ITPR1: variants seen among roughly 807,000 people sequenced by gnomAD.
ITPR1 encodes the protein inositol 1,4,5-trisphosphate receptor type 1.
In ITPR1, 96 loss-of-function variants were observed where a neutral mutation model predicts 318.4. That is an observed-to-expected ratio of 0.30 (90% CI 0.26 to 0.36). ITPR1 has a LOEUF of 0.36. Among genes scored for constraint, ITPR1 ranks in the 10% least tolerant of loss-of-function variants. The probability of loss-of-function intolerance (pLI) is 1.00; values close to 1 mark genes in which losing one functional copy is unlikely to be tolerated. For synonymous variants in ITPR1, 1,312 were observed against 1,289.9 expected (o/e 1.02, Z -0.37); for missense variants, 2,440 against 3,460.2 (o/e 0.71, Z 7.40).
intron 44 of ITPR1, among the ~76,000 whole-genome samples, chr3:4,739,806 G>A (rs2043566222): frequency 6.6e-6 from 1 of 152,100 alleles, no homozygotes. Context: ...ACCATCAGGG[G>A]GTTGACTGGT....
chr3:4,679,148 T>C (rs1307492964), intron 24 of ITPR1, among the ~76,000 whole-genome samples: 4 of 152,120 alleles, frequency 2.6e-5, no homozygotes, highest in South Asian at 4.1e-4. Flanking sequence ...ATTAGATGTG[T>C]GTCCAGGAAG....
At chr3:4,684,916 G>A (rs984358781) in intron 29 of ITPR1, among the ~76,000 whole-genome samples, 153 bp from the exon 30 acceptor site, 6 of 152,212 alleles carry the variant, frequency 3.9e-5, no homozygotes, top group Admixed American at 6.5e-5. Flanking sequence ...TGGCTTGATG[G>A]AGTCAACAGA....
intron 49 of ITPR1, among the ~76,000 whole-genome samples, chr3:4,780,981 G>A (rs1231416116): frequency 6.6e-6 from 1 of 152,242 alleles, no homozygotes; most frequent in African/African-American, 2.4e-5. Context: ...GAGGAGTCAG[G>A]CTTCCTGGAA....
chr3:4,551,858 T>C (rs1302288526), intron 4 of ITPR1, among the ~76,000 whole-genome samples: 1 of 152,248 alleles, frequency 6.6e-6, no homozygotes, highest in Non-Finnish European at 1.5e-5. Context: ...TGACTACATC[T>C]CTGCTGTCTG....
At chr3:4,837,709 C>T (rs1297889919) in intron 61 of ITPR1, among the ~76,000 whole-genome samples, 1 of 151,998 alleles carries the variant, frequency 6.6e-6, no homozygotes, top group African/African-American at 2.4e-5. Flanking sequence ...TGTTTCTGCC[C>T]TTTTGACTCC....
At chr3:4,727,041 C>T in intron 41 of ITPR1, 85 bp from the exon 42 acceptor site, 1 of 1,119,342 alleles carries the variant, frequency 8.9e-7, no homozygotes. Flanking sequence ...TATGAACTCT[C>T]AATGTATTTT....
chr3:4,700,156 G>T (rs2094623858), intron 35 of ITPR1, among the ~76,000 whole-genome samples: 2 of 152,140 alleles, frequency 1.3e-5, no homozygotes, highest in Admixed American at 6.5e-5. Context: ...GTTAACTGTT[G>T]ATTTTCTCCT....
At chr3:4,814,902 A>T in intron 58 of ITPR1, 151 bp from the exon 59 acceptor site, 1 of 702,484 alleles carries the variant, frequency 1.4e-6, no homozygotes, top group Non-Finnish European at 2.5e-6. Flanking sequence ...GACAGGGGAC[A>T]TGAAAAGAGA....
At chr3:4,830,559 C>G (rs781619840) in intron 60 of ITPR1, among the ~76,000 whole-genome samples, 1 of 152,158 alleles carries the variant, frequency 6.6e-6, no homozygotes, top group African/African-American at 2.4e-5. Flanking sequence ...GCCTCCTCCT[C>G]CTGACATTTT....
chr3:4,745,155 C>T (rs948195918), intron 44 of ITPR1, among the ~76,000 whole-genome samples: 2 of 145,122 alleles, frequency 1.4e-5, no homozygotes, highest in East Asian at 4.3e-4. Flanking sequence ...TCCCTTCTTT[C>T]CTTCCCTTCC....
chr3:4,619,852 C>G (rs2092557952), intron 4 of ITPR1, among the ~76,000 whole-genome samples: 1 of 146,012 alleles, frequency 6.8e-6, no homozygotes, highest in Non-Finnish European at 1.5e-5. Context: ...CTCCTTCTCT[C>G]TTTTCTCTTT....
Position 4,782,744 on chromosome 3 carries a change from A to G in ITPR1, c.6510+3A>G. 6.5e-7 allele frequency: 1 copy of G among 1,532,568 alleles called. No homozygotes were observed. The highest frequency in any genetic ancestry group is 8.8e-7 in the Non-Finnish European group (1 of 1,135,748). 94.9% of individuals were successfully genotyped at this position (1,532,568 alleles called of 1,614,324 possible). Reference sequence around the variant, plus strand: ...ACATCTACATATTAGCCCATCAGGTATGATCTCTCCTGTGCCTCCTCTGGA... The same window carrying G: ...ACATCTACATATTAGCCCATCAGGTGTGATCTCTCCTGTGCCTCCTCTGGA... On this transcript the variant is annotated splice_donor_region_variant and intron_variant, in intron 50 of 61. Coordinates refer to ENST00000649015, the MANE Select transcript of ITPR1 (RefSeq NM_001378452.1).
At chr3:4,693,437 G>T (rs1431402540) in intron 32 of ITPR1, 53 bp from the exon 33 acceptor site, 5 of 1,577,200 alleles carry the variant, frequency 3.2e-6, no homozygotes, top group Admixed American at 3.5e-5. Context: ...TTTTTTTCAT[G>T]CTGCCCCACC....
chr3:4,526,622 C>T (rs2082999389), intron 4 of ITPR1, among the ~76,000 whole-genome samples: 1 of 152,234 alleles, frequency 6.6e-6, no homozygotes, highest in Admixed American at 6.5e-5. Context: ...TTGTGCAAAG[C>T]ACTTCCTTTG....
intron 4 of ITPR1, among the ~76,000 whole-genome samples, chr3:4,524,425 G>A (rs1286652996): frequency 6.8e-6 from 1 of 147,550 alleles, no homozygotes; most frequent in African/African-American, 2.5e-5. Flanking sequence ...TAGAAATTGT[G>A]CATAGGGCAG....
In ITPR1 at chr3:4,619,679, TG is replaced by T. The variant is rs2092539792; in HGVS notation, c.164-8083del. ...TCCCCTGCTCTCCTCTGCTCTCCCC[TG>T]CTCTCCTCTGCTCTCCCCTGCTCTC... On this transcript the variant is annotated intron_variant, in intron 4 of 61. Transcript: ENST00000649015. Among the ~76,000 whole-genome samples, 3 of 2,582 alleles carry T rather than the reference TG, an allele frequency of 1.2e-3. 1 individual carries two copies. The African/African-American group carries it at 0.012, about 10-fold the overall frequency. 1.7% of individuals were successfully genotyped at this position (2,582 alleles called of 152,430 possible).
At position 4,779,748 on chromosome 3, in the gene ITPR1, A is replaced by G. The variant is rs188438155; in HGVS notation, c.6387+103A>G. The stretch of plus-strand genomic sequence containing the variant: ...CCTGGAGCTTTCTTGAAGGTTCCCA[A>G]AGTCAGAAGTATAAAGGGAACATTG... On this transcript the variant is annotated intron_variant, in intron 49 of 61. Transcript: ENST00000649015. This position sits in a 1 kb window ranked among gnomAD's most constrained non-coding sequence, Gnocchi z 4.0. 2.3e-5 allele frequency: 17 copies of G among 737,434 alleles called. No homozygotes were observed. The East Asian group carries it at 4.2e-4, about 18-fold the overall frequency. The allele number at this position is 737,434 out of a possible 1,614,324, so 45.7% of individuals were successfully genotyped here.
rs977147239 is a variant in ITPR1, at chr3:4,838,463, C to T, written c.8190+1528C>T. 7.9e-5 allele frequency among the ~76,000 whole-genome samples: 12 copies of T among 152,056 alleles called. 1 individual carries two copies. Among genetic ancestry groups the T allele is most frequent in the African/African-American group, 2.4e-5 (1 of 41,378 alleles). On this transcript the variant is annotated intron_variant, in intron 61 of 61. Transcript: ENST00000649015. ...GAGGTGAACTTCTTTACACATCCAG[C>T]AAGCTTTAGTTATCTTCTTCTCCCA...
At chr3:4,615,469 C>T (rs1462739090) in intron 4 of ITPR1, among the ~76,000 whole-genome samples, 4 of 151,554 alleles carry the variant, frequency 2.6e-5, no homozygotes, top group Admixed American at 6.6e-5. Flanking sequence ...CCCTGCCTCC[C>T]GGGTTCAAGT....
Sources: allele counts gnomAD v4.1 joint callset (sites outside exome capture counted in the v4.1 genomes callset), GRCh38; gene constraint gnomAD v4.1.1; non-coding constraint Gnocchi (gnomAD v3.1); transcripts MANE v1.5; gene names NCBI Gene and HGNC (gene_info 2026-07-23, HGNC 2026-07-21).